EHBP1: variants seen among roughly 807,000 people sequenced by gnomAD.
The protein encoded by EHBP1 is EH domain-binding protein 1.
Under a neutral mutation model 144.0 loss-of-function variants are expected in EHBP1, and 55 were observed. That is an observed-to-expected ratio of 0.38 (90% CI 0.31 to 0.48). EHBP1 has a LOEUF of 0.48. EHBP1 is among the 20% of genes least tolerant of loss of function. EHBP1 has a pLI of 0.98. For synonymous variants in EHBP1, 469 were observed against 472.7 expected, an observed-to-expected ratio of 0.99 and a Z score of 0.10; for missense variants, 1,200 against 1,364.2, an observed-to-expected ratio of 0.88 and a Z score of 1.90.
chr2:62,724,091 A>G (rs899182047), intron 2 of EHBP1, among the ~76,000 whole-genome samples: 1 of 152,186 alleles, frequency 6.6e-6, no homozygotes, highest in Non-Finnish European at 1.5e-5. Flanking sequence ...CACTCTCCCC[A>G]TCTCTTTCAG....
At chr2:62,941,963 T>G (rs1440473660) in intron 10 of EHBP1, among the ~76,000 whole-genome samples, 1 of 152,012 alleles carries the variant, frequency 6.6e-6, no homozygotes, top group Non-Finnish European at 1.5e-5. Flanking sequence ...TAATCTTAGG[T>G]TTGTTATTAT....
chr2:62,771,609 G>T (rs1046491796), intron 5 of EHBP1: 1 of 358,200 alleles, frequency 2.8e-6, no homozygotes, highest in Admixed American at 4.6e-5. Context: ...ATACTAAATT[G>T]TATGTATGTT....
At chr2:62,712,124 G>T (rs2035201138) in intron 2 of EHBP1, among the ~76,000 whole-genome samples, 1 of 152,126 alleles carries the variant, frequency 6.6e-6, no homozygotes, top group African/African-American at 2.4e-5. Context: ...GGTAACCTTA[G>T]GACAGAAAAG....
At chr2:62,689,025 C>A (rs991855113) in intron 1 of EHBP1, among the ~76,000 whole-genome samples, 22 of 152,208 alleles carry the variant, frequency 1.4e-4, no homozygotes, top group African/African-American at 5.3e-4. Context: ...CTCAGGAGTC[C>A]CAGAATTGCA....
intron 7 of EHBP1, among the ~76,000 whole-genome samples, chr2:62,842,215 T>C (rs2047945500): frequency 1.3e-5 from 2 of 151,976 alleles, no homozygotes; most frequent in South Asian, 4.2e-4. Context: ...GCCTCCCGAG[T>C]AGCTGGGATC....
At chr2:62,786,027 C>T (rs539130114) in intron 5 of EHBP1, among the ~76,000 whole-genome samples, 1 of 152,246 alleles carries the variant, frequency 6.6e-6, no homozygotes, top group Non-Finnish European at 1.5e-5. Context: ...ATGTAACCAA[C>T]TAAACATTGT....
In EHBP1 at chr2:63,031,295, CAG is replaced by C. The variant is rs369159558; in HGVS notation, c.3104-6239_3104-6238del. On this transcript the variant is annotated intron_variant, in intron 19 of 22. Transcript: ENST00000431489. ...GGCCTTCAGGAGAGTGGAGAGCTGT[CAG>C]GGGGAGGCATCCATCTGTAAGGGAA... Among the ~76,000 whole-genome samples the C allele has an allele frequency of 1.8e-3, 275 of 152,180 alleles. 2 individuals are homozygous for C. The highest frequency in any genetic ancestry group is 5.9e-3 in the African/African-American group (245 of 41,508).
intron 1 of EHBP1, among the ~76,000 whole-genome samples, chr2:62,693,314 A>G (rs1292363451): frequency 6.6e-6 from 1 of 152,144 alleles, no homozygotes; most frequent in Non-Finnish European, 1.5e-5. Context: ...TAGTGATTCA[A>G]TACACATGGG....
At chr2:62,843,424 A>G (rs576096062) in intron 7 of EHBP1, among the ~76,000 whole-genome samples, 42 of 150,800 alleles carry the variant, frequency 2.8e-4, no homozygotes, top group Non-Finnish European at 2.8e-4. Context: ...TCTAAAAGGA[A>G]TGAATGTAAA....
At chr2:62,900,264 T>C (rs1267730964) in intron 10 of EHBP1, among the ~76,000 whole-genome samples, 1 of 152,046 alleles carries the variant, frequency 6.6e-6, no homozygotes, top group Admixed American at 6.6e-5. Flanking sequence ...TGTAATTCAG[T>C]GAAGGAAAAT....
chr2:62,910,873 A>G (rs1019441890), intron 10 of EHBP1, among the ~76,000 whole-genome samples: 2 of 152,232 alleles, frequency 1.3e-5, no homozygotes, highest in African/African-American at 4.8e-5. Context: ...GTGCACTTTA[A>G]TTGAATAAAT....
At chr2:62,868,114 C>A (rs2050180254) in intron 9 of EHBP1, among the ~76,000 whole-genome samples, 1 of 152,108 alleles carries the variant, frequency 6.6e-6, no homozygotes, top group South Asian at 2.1e-4. Flanking sequence ...GTGGCTCACA[C>A]CTGTAATCAC....
At chr2:62,767,603 G>A (rs1003798237) in intron 4 of EHBP1, among the ~76,000 whole-genome samples, 5 of 151,940 alleles carry the variant, frequency 3.3e-5, no homozygotes, top group African/African-American at 1.2e-4. Context: ...GGGAGGTTGA[G>A]GCAAGGAGAT....
chr2:62,795,832 A>T (rs1453425788), intron 5 of EHBP1, among the ~76,000 whole-genome samples: 1 of 152,044 alleles, frequency 6.6e-6, no homozygotes, highest in Non-Finnish European at 1.5e-5. Flanking sequence ...GCCCTTCCTT[A>T]ATAGATAATA....
At chr2:63,008,813 A>G (rs2060153232) in intron 19 of EHBP1, among the ~76,000 whole-genome samples, 1 of 151,688 alleles carries the variant, frequency 6.6e-6, no homozygotes, top group Admixed American at 6.6e-5. Flanking sequence ...TGCAGATAAT[A>G]TTCTATATTT....
rs199763177 is a variant in EHBP1 at position 62,979,302 on chromosome 2, G to A, written c.2575G>A (p.Glu859Lys). 8.1e-5 allele frequency: 130 copies of A among 1,613,846 alleles called. No homozygotes were observed. The highest frequency in any genetic ancestry group is 5.6e-5 in the Non-Finnish European group (66 of 1,179,924). Residue 859 changes from glutamate to lysine, a missense_variant, in exon 15 of 23, where the codon GAA becomes AAA. Transcript: ENST00000431489. The part of the protein sequence containing the change: ...ELPSYGEMAA[E>K]KLKERSKASG... Reference sequence around the variant, plus strand: ...TCCCAGCTATGGTGAAATGGCTGCAGAAAAGTTGAAAGAAAGGTCAAAGGC... The same window carrying A: ...TCCCAGCTATGGTGAAATGGCTGCAAAAAAGTTGAAAGAAAGGTCAAAGGC...
intron 1 of EHBP1, among the ~76,000 whole-genome samples, chr2:62,679,631 G>GA (rs1009908568): frequency 6.6e-6 from 1 of 151,956 alleles, no homozygotes; most frequent in South Asian, 2.1e-4. Context: ...TACTATTGGG[G>GA]AAAAAATAGT....
intron 7 of EHBP1, among the ~76,000 whole-genome samples, chr2:62,841,541 A>G (rs2047869270): frequency 1.3e-5 from 2 of 152,248 alleles, no homozygotes; most frequent in Admixed American, 6.5e-5. Flanking sequence ...TTCTTGTAGA[A>G]TGAGAGATGC....
chr2:62,925,288 AACAAG>A (rs1398703358), intron 10 of EHBP1, among the ~76,000 whole-genome samples: 1 of 152,146 alleles, frequency 6.6e-6, no homozygotes, highest in Admixed American at 6.5e-5. Context: ...TCAGAAGTGG[AACAAG>A]ACAAGAGTGT....
Sources: allele counts gnomAD v4.1 joint callset (sites outside exome capture counted in the v4.1 genomes callset), GRCh38; gene constraint gnomAD v4.1.1; transcripts MANE v1.5; gene names NCBI Gene and HGNC (gene_info 2026-07-23, HGNC 2026-07-21).